The following SSH1 variants were observed in gnomAD, a reference collection of about 807,000 sequenced individuals.
The protein encoded by SSH1 is protein phosphatase Slingshot homolog 1.
Under a neutral mutation model 79.7 loss-of-function variants are expected in SSH1, and 43 were observed. That is an observed-to-expected ratio of 0.54 (90% CI 0.42 to 0.70). SSH1 has a LOEUF of 0.70. Ranked by LOEUF, SSH1 falls within the 30% of genes least tolerant of loss-of-function variation. The pLI, the probability that SSH1 is intolerant of heterozygous loss-of-function variation, is 0.00. For missense variants in SSH1, 1,206 were observed against 1,358.8 expected, an observed-to-expected ratio of 0.89 and a Z score of 1.77; for synonymous variants, 599 against 538.3, an observed-to-expected ratio of 1.11 and a Z score of -1.56.
intron 13 of SSH1, 47 bp downstream of exon 13, chr12:108,798,953 C>G (rs369457589): frequency 2.6e-5 from 41 of 1,600,364 alleles, no homozygotes; most frequent in Non-Finnish European, 3.5e-5. Context: ...GGCCACATGG[C>G]TGCTCCAGCT....
At position 108,787,039 on chromosome 12, in the gene SSH1, T is replaced by C. The variant is rs1364059423; in HGVS notation, c.*949A>G. ...TCCTTTCGGGGAAGCCGCTGAAATCTCCTTTCCCTTCCCTAGATGGGCCCT... is the reference window on the plus strand; with the variant it reads ...TCCTTTCGGGGAAGCCGCTGAAATCCCCTTTCCCTTCCCTAGATGGGCCCT... On this transcript the variant is annotated 3_prime_UTR_variant, in exon 15 of 15. Coordinates refer to ENST00000326495, the MANE Select transcript of SSH1 (RefSeq NM_018984.4). 6.6e-6 allele frequency: 1 copy of C among 152,188 alleles called. No homozygotes were observed. The highest frequency in any genetic ancestry group is 1.5e-5 in the Non-Finnish European group (1 of 68,046). 9.4% of individuals were successfully genotyped at this position (152,188 alleles called of 1,614,324 possible). A position where few individuals can be genotyped will look rare whatever the true frequency, so the allele number is the denominator to read the frequency against.
In SSH1 at chr12:108,838,906, G is replaced by A. The variant is rs116433281; in HGVS notation, c.110+13732C>T. On this transcript the variant is annotated intron_variant, in intron 2 of 14. Coordinates refer to ENST00000326495, the MANE Select transcript of SSH1 (RefSeq NM_018984.4). ...ATTCTGGTAACCATACCAATGCTAT[G>A]TCATGTATTACATGTACAAACCTTC... 4.3e-3 allele frequency among the ~76,000 whole-genome samples: 655 copies of A among 152,288 alleles called. 1 individual carries two copies. The highest frequency in any genetic ancestry group is 0.015 in the African/African-American group (614 of 41,560).
Position 108,785,037 on chromosome 12 carries a change from T to TTTTCATTG in SSH1, c.*2950_*2951insCAATGAAA, listed in dbSNP as rs2036232938. The TTTTCATTG allele has an allele frequency of 6.6e-6, 1 of 152,220 alleles. No individual in the cohort carries two copies. Among genetic ancestry groups the TTTTCATTG allele is most frequent in the Admixed American group, 6.5e-5 (1 of 15,284 alleles). The allele number at this position is 152,220 out of a possible 1,614,324, so 9.4% of individuals were successfully genotyped here. On this transcript the variant is annotated 3_prime_UTR_variant, in exon 15 of 15. Coordinates refer to ENST00000326495, the MANE Select transcript of SSH1 (RefSeq NM_018984.4). ...CTATGGCATATGTTACAGTGCAAAC[T>TTTTCATTG]TCCTTTTCACAGACAGCATGAATTC...
At chr12:108,790,498 G>C (rs1163704728) in intron 14 of SSH1, among the ~76,000 whole-genome samples, 1 of 152,118 alleles carries the variant, frequency 6.6e-6, no homozygotes, top group Admixed American at 6.5e-5. Flanking sequence ...TGGTCATGCT[G>C]GTCTCAAACT....
chr12:108,835,836 A>G (rs2038590702), intron 2 of SSH1, among the ~76,000 whole-genome samples: 1 of 145,868 alleles, frequency 6.9e-6, no homozygotes, highest in African/African-American at 2.6e-5. Flanking sequence ...ATTAATATTT[A>G]TAATTAATAT....
intron 9 of SSH1, 64 bp downstream of exon 9, chr12:108,806,237 C>G (rs764754001): frequency 2.5e-5 from 37 of 1,484,012 alleles, no homozygotes; most frequent in Non-Finnish European, 3.4e-5. Context: ...GCTGCACTTT[C>G]GGGAGCAGGA....
In SSH1 at chr12:108,780,860, G is replaced by T. The variant is rs1348889883; in HGVS notation, c.*7128C>A. The T allele has an allele frequency of 6.6e-6, 1 of 152,106 alleles. No individual in the cohort carries two copies. The highest frequency in any genetic ancestry group is 1.9e-4 in the East Asian group (1 of 5,184). The allele number at this position is 152,106 out of a possible 1,614,324, so 9.4% of individuals were successfully genotyped here. On this transcript the variant is annotated 3_prime_UTR_variant, in exon 15 of 15. Coordinates refer to ENST00000326495, the MANE Select transcript of SSH1 (RefSeq NM_018984.4). Reference sequence around the variant, plus strand: ...TTGAGAACAGCCTGACCAACATGGAGAAACCCCATTTCGATTAAAAATACA... The same window carrying T: ...TTGAGAACAGCCTGACCAACATGGATAAACCCCATTTCGATTAAAAATACA...
Position 108,809,763 on chromosome 12 carries a change from G to A in SSH1, c.471-5C>T. On this transcript the variant is annotated splice_polypyrimidine_tract_variant and splice_region_variant and intron_variant, in intron 6 of 14. Transcript: ENST00000326495. Reference sequence around the variant, plus strand: ...GCTGTGCTCACGCTGAACCCACTGAGAATAAAACACAGAGAGAAAGGTATC... The same window carrying A: ...GCTGTGCTCACGCTGAACCCACTGAAAATAAAACACAGAGAGAAAGGTATC... 10 of 1,613,352 alleles carry A rather than the reference G, an allele frequency of 6.2e-6. No individual in the cohort carries two copies. The Middle Eastern group carries it at 4.9e-4, about 80-fold the overall frequency.
At position 108,783,935 on chromosome 12, in the gene SSH1, T is replaced by C. The variant is rs1438303874; in HGVS notation, c.*4053A>G. 6.6e-6 allele frequency: 1 copy of C among 152,266 alleles called. No individual in the cohort carries two copies. Among genetic ancestry groups the C allele is most frequent in the Non-Finnish European group, 1.5e-5 (1 of 68,058 alleles). 9.4% of individuals were successfully genotyped at this position (152,266 alleles called of 1,614,324 possible). A position where few individuals can be genotyped will look rare whatever the true frequency, so the allele number is the denominator to read the frequency against. ...GCCAGGTGTCACCAAGTTTCTGATC[T>C]ACCCAGCTCTCTTGCCAGAGGTGAA... On this transcript the variant is annotated 3_prime_UTR_variant, in exon 15 of 15. Coordinates refer to ENST00000326495, the MANE Select transcript of SSH1 (RefSeq NM_018984.4).
intron 14 of SSH1, chr12:108,791,790 C>A: frequency 3.6e-6 from 1 of 281,446 alleles, no homozygotes; most frequent in Non-Finnish European, 5.8e-6. Context: ...CAGTATATAC[C>A]TATAATATAT....
chr12:108,809,621 G>C (rs886935074), intron 7 of SSH1, 72 bp downstream of exon 7: 5 of 1,285,608 alleles, frequency 3.9e-6, no homozygotes, highest in East Asian at 4.6e-5. Context: ...TTGGTAGAAG[G>C]GGTTTTTCTA....
intron 2 of SSH1, among the ~76,000 whole-genome samples, chr12:108,830,190 G>A (rs147720670): frequency 0.012 from 1,794 of 152,208 alleles, 28 homozygotes; most frequent in African/African-American, 0.04. Flanking sequence ...GGTGGCTCAC[G>A]CCTGTAATCC....
intron 1 of SSH1, among the ~76,000 whole-genome samples, chr12:108,856,402 G>A (rs2039143938): frequency 6.6e-6 from 1 of 152,204 alleles, no homozygotes; most frequent in Admixed American, 6.5e-5. Context: ...ACGGACCTGG[G>A]CCACACACAG....
At chr12:108,827,128 C>T (rs972216010) in intron 2 of SSH1, 1 of 760,398 alleles carries the variant, frequency 1.3e-6, no homozygotes, top group Non-Finnish European at 2.0e-6. Context: ...AAAGTTTCTC[C>T]AAAGCATTGA....
rs950684870 is a variant in SSH1 at position 108,781,728 on chromosome 12, T to A, written c.*6260A>T. The A allele has an allele frequency of 2.0e-5, 3 of 152,082 alleles. No individual in the cohort carries two copies. Among genetic ancestry groups the A allele is most frequent in the Admixed American group, 2.0e-4 (3 of 15,264 alleles). 9.4% of individuals were successfully genotyped at this position (152,082 alleles called of 1,614,324 possible). A position where few individuals can be genotyped will look rare whatever the true frequency, so the allele number is the denominator to read the frequency against. Reference sequence around the variant, plus strand: ...TGGGCCCTGCCCACTGGAAAGCAAGTAGAAATGATGTATCGCATCCAGACA... The same window carrying A: ...TGGGCCCTGCCCACTGGAAAGCAAGAAGAAATGATGTATCGCATCCAGACA... On this transcript the variant is annotated 3_prime_UTR_variant, in exon 15 of 15. Transcript: ENST00000326495.
intron 2 of SSH1, among the ~76,000 whole-genome samples, chr12:108,847,239 G>A (rs2038918845): frequency 6.6e-6 from 1 of 152,142 alleles, no homozygotes; most frequent in Non-Finnish European, 1.5e-5. Context: ...AACCCTGAAA[G>A]GTCACAGTGT....
At chr12:108,849,211 G>A (rs2137283606) in intron 2 of SSH1, among the ~76,000 whole-genome samples, 1 of 152,306 alleles carries the variant, frequency 6.6e-6, no homozygotes, top group East Asian at 1.9e-4. Flanking sequence ...CCCTTTGTAA[G>A]GTCCCCTGCA....
At chr12:108,794,429 G>A (rs974041702) in intron 13 of SSH1, among the ~76,000 whole-genome samples, 3 of 152,218 alleles carry the variant, frequency 2.0e-5, no homozygotes, top group African/African-American at 7.2e-5. Context: ...CACTGGCTGT[G>A]TATGGGGGAT....
intron 2 of SSH1, among the ~76,000 whole-genome samples, chr12:108,829,009 T>C (rs1285260008): frequency 1.3e-5 from 2 of 152,160 alleles, no homozygotes; most frequent in African/African-American, 4.8e-5. Flanking sequence ...ACAACGCCCA[T>C]GGTGACTGCC....
Sources: gnomAD v4.1 joint callset for allele counts (sites outside exome capture counted in the v4.1 genomes callset) on GRCh38, gnomAD v4.1.1 for gene constraint, MANE v1.5 for transcripts, NCBI Gene and HGNC (gene_info 2026-07-23, HGNC 2026-07-21) for gene names.